The following GLUD1 variants were observed in gnomAD, a reference collection of about 807,000 sequenced individuals.
The protein encoded by GLUD1 is glutamate dehydrogenase 1.
GLUD1 carries 22 observed loss-of-function variants against 56.0 expected under a neutral mutation model. The observed-to-expected ratio is 0.39, with a 90% confidence interval of 0.28 to 0.56. GLUD1 has a LOEUF of 0.56. GLUD1 is among the 20% of genes least tolerant of loss of function. GLUD1 has a pLI of 0.58. For synonymous variants in GLUD1, 223 were observed against 269.9 expected, an observed-to-expected ratio of 0.83 and a Z score of 1.70; for missense variants, 451 against 732.0, an observed-to-expected ratio of 0.62 and a Z score of 4.43.
rs557871933 is a variant in GLUD1 at position 87,052,381 on chromosome 10, G to A, written c.1558-511C>T. On this transcript the variant is annotated intron_variant, in intron 12 of 12. Transcript: ENST00000277865. ...TGGGCGCCTGTAATCCCGGCTACTCGGGAGACTGAGGAAGGAGAATTGCTT... is the reference window on the plus strand; with the variant it reads ...TGGGCGCCTGTAATCCCGGCTACTCAGGAGACTGAGGAAGGAGAATTGCTT... 1.2e-4 allele frequency among the ~76,000 whole-genome samples: 19 copies of A among 152,134 alleles called. 1 individual carries two copies. In the South Asian group the frequency reaches 3.3e-3, roughly 27 times the overall value.
chr10:87,063,565 A>G (rs1313396722), intron 5 of GLUD1, among the ~76,000 whole-genome samples: 2 of 152,214 alleles, frequency 1.3e-5, no homozygotes, highest in Non-Finnish European at 2.9e-5. Flanking sequence ...ATAAGACTTG[A>G]GCATGTCACC....
intron 5 of GLUD1, among the ~76,000 whole-genome samples, chr10:87,066,408 A>G (rs997175303): frequency 3.3e-5 from 5 of 152,156 alleles, no homozygotes; most frequent in African/African-American, 1.2e-4. Context: ...ATGGTCACCT[A>G]CCAAGCAGTA....
intron 5 of GLUD1, among the ~76,000 whole-genome samples, chr10:87,065,681 G>A (rs188039910): frequency 6.6e-6 from 1 of 152,246 alleles, no homozygotes; most frequent in African/African-American, 2.4e-5. Context: ...TATCGTTCCT[G>A]TTTTATTTCA....
Position 87,068,075 on chromosome 10 carries a change from G to A in GLUD1, c.729C>T (p.Thr243=). Residue 243 remains threonine, a synonymous_variant, in exon 5 of 13, where the codon ACC becomes ACT. Transcript: ENST00000277865. ...MSWIADTYAS[T]IGHYDINAHA... Reference sequence around the variant, plus strand: ...AGTGGGTACTCACATAGTGCCCTATGGTGCTGGCATAGGTATCAGCGATCC... The same window carrying A: ...AGTGGGTACTCACATAGTGCCCTATAGTGCTGGCATAGGTATCAGCGATCC... 1 of 1,604,592 alleles carries A rather than the reference G, an allele frequency of 6.2e-7. No individual in the cohort carries two copies. Among genetic ancestry groups the A allele is most frequent in the Non-Finnish European group, 8.5e-7 (1 of 1,171,322 alleles).
chr10:87,071,751 C>A (rs1352909744), intron 4 of GLUD1, among the ~76,000 whole-genome samples: 1 of 152,148 alleles, frequency 6.6e-6, no homozygotes, highest in Non-Finnish European at 1.5e-5. Context: ...TCAACTCATT[C>A]CATGAGGCTA....
chr10:87,067,995 ATCAG>A (rs1846122192), intron 5 of GLUD1, 64 bp downstream of exon 5: 5 of 895,532 alleles, frequency 5.6e-6, no homozygotes, highest in East Asian at 2.4e-5. Flanking sequence ...TTTTGATATA[ATCAG>A]TCAAACTGTT....
At chr10:87,056,838 A>C (rs1377059897) in intron 11 of GLUD1, among the ~76,000 whole-genome samples, 4 of 152,196 alleles carry the variant, frequency 2.6e-5, no homozygotes, top group African/African-American at 7.2e-5. Context: ...TAAAAAAAAA[A>C]AACTCTTTTT....
intron 11 of GLUD1, 143 bp from the exon 12 acceptor site, chr10:87,053,547 G>A (rs915349825): frequency 1.0e-4 from 70 of 698,084 alleles, no homozygotes; most frequent in African/African-American, 8.8e-4. Flanking sequence ...TTTCTGCACA[G>A]TATCAAAGAT....
intron 5 of GLUD1, among the ~76,000 whole-genome samples, chr10:87,064,268 G>C (rs1393426021): frequency 3.3e-5 from 5 of 152,084 alleles, no homozygotes; most frequent in African/African-American, 1.2e-4. Flanking sequence ...AGAAACAGGT[G>C]TAATTAGAAA....
chr10:87,053,633 TACTC>T (rs1171186986), intron 11 of GLUD1, among the ~76,000 whole-genome samples: 5 of 152,196 alleles, frequency 3.3e-5, no homozygotes, highest in African/African-American at 1.2e-4. Flanking sequence ...AGCAAACAAA[TACTC>T]ATGAAATAAG....
intron 5 of GLUD1, among the ~76,000 whole-genome samples, chr10:87,066,901 A>G (rs137936586): frequency 4.6e-5 from 7 of 152,312 alleles, no homozygotes; most frequent in Non-Finnish European, 8.8e-5. Flanking sequence ...GTTCTGTGGT[A>G]CTACCTCTGC....
In GLUD1 at chr10:87,051,282, G is replaced by T. The variant is rs566474794; in HGVS notation, c.*469C>A. The stretch of plus-strand genomic sequence containing the variant: ...ACCTGCAAAATTGAATTATTTTGCT[G>T]ATATAAAATACTAAGAACTCACTTG... On this transcript the variant is annotated 3_prime_UTR_variant, in exon 13 of 13. Transcript: ENST00000277865. The T allele has an allele frequency of 5.4e-4, 105 of 194,010 alleles. No individual in the cohort carries two copies. The South Asian group carries it at 0.013, about 24-fold the overall frequency. 12.0% of individuals were successfully genotyped at this position (194,010 alleles called of 1,614,324 possible).
intron 1 of GLUD1, among the ~76,000 whole-genome samples, chr10:87,088,966 G>A (rs999473699): frequency 3.9e-5 from 6 of 152,168 alleles, no homozygotes; most frequent in Non-Finnish European, 8.8e-5. Context: ...TGTTTAAAAT[G>A]TTATTTCAGG....
intron 4 of GLUD1, among the ~76,000 whole-genome samples, chr10:87,072,035 A>G (rs573385682): frequency 4.4e-4 from 67 of 152,312 alleles, no homozygotes; most frequent in African/African-American, 1.4e-3. Flanking sequence ...AATTTTGGGA[A>G]GCTGAGGTGG....
chr10:87,076,445 G>A (rs930785837), intron 2 of GLUD1, 131 bp downstream of exon 2: 8 of 720,138 alleles, frequency 1.1e-5, no homozygotes, highest in Non-Finnish European at 1.3e-5. Flanking sequence ...AATGATGCAG[G>A]TCTTAAAGAT....
intron 1 of GLUD1, among the ~76,000 whole-genome samples, chr10:87,093,428 A>G (rs1428952755): frequency 6.6e-6 from 1 of 152,240 alleles, no homozygotes; most frequent in Non-Finnish European, 1.5e-5. Flanking sequence ...TATTTGCTCG[A>G]AGAAAGCAAT....
intron 1 of GLUD1, chr10:87,091,717 C>T (rs962240396): frequency 9.4e-6 from 2 of 211,944 alleles, no homozygotes; most frequent in African/African-American, 4.7e-5. Context: ...CCATCTGTTT[C>T]CCTTAGAGAT....
chr10:87,094,758 G>A lies in GLUD1; in HGVS notation c.12C>T (p.Tyr4=), dbSNP rs747036348. The A allele has an allele frequency of 6.5e-7, 1 of 1,539,652 alleles. No homozygotes were observed. The highest frequency in any genetic ancestry group is 1.2e-5 in the South Asian group (1 of 85,694). Residue 4 remains tyrosine (Y), a synonymous_variant, in exon 1 of 13, where the codon TAC becomes TAT. Coordinates refer to ENST00000277865, the MANE Select transcript of GLUD1 (RefSeq NM_005271.5). The surrounding 1 kb of genome is among the most constrained non-coding windows in gnomAD (Gnocchi z 6.6). MYR[Y]LGEALLLSRA... Reference sequence around the variant, plus strand: ...GGGACAGCAACAGCGCTTCGCCCAGGTAGCGGTACATGGCCACAAGCGGAG... The same window carrying A: ...GGGACAGCAACAGCGCTTCGCCCAGATAGCGGTACATGGCCACAAGCGGAG...
Position 87,071,781 on chromosome 10 carries a change from A to C in GLUD1, c.646+2770T>G, listed in dbSNP as rs1215351052. 3.9e-5 allele frequency among the ~76,000 whole-genome samples: 6 copies of C among 152,360 alleles called. No individual in the cohort carries two copies. The East Asian group carries it at 1.2e-3, about 29-fold the overall frequency. ...AGGCTAGAATTGTCCTGATACAAAG[A>C]CTAGACAAAGACATCATAAGAAAAC... On this transcript the variant is annotated intron_variant, in intron 4 of 12. Transcript: ENST00000277865.
Sources: gnomAD v4.1 joint callset for allele counts (sites outside exome capture counted in the v4.1 genomes callset) on GRCh38, gnomAD v4.1.1 for gene constraint, Gnocchi (gnomAD v3.1) non-coding constraint, MANE v1.5 for transcripts, NCBI Gene and HGNC (gene_info 2026-07-23, HGNC 2026-07-21) for gene names.